Variants in CNTN6 observed in about 807,000 individuals in gnomAD.
The protein encoded by CNTN6 is contactin 6, also known as contactin-6.
Under a neutral mutation model 122.8 loss-of-function variants are expected in CNTN6, and 137 were observed. The ratio of observed to expected loss-of-function variants is 1.12; its 90% confidence interval spans 0.97 to 1.29. The LOEUF (loss-of-function observed/expected upper bound fraction) is 1.29, where lower values mean the gene tolerates loss of function less well. Ranked by LOEUF, CNTN6 falls within the 50% of genes most tolerant of loss-of-function variation. The pLI, the probability that CNTN6 is intolerant of heterozygous loss-of-function variation, is 0.00. For missense variants in CNTN6, 1,634 were observed against 1,223.4 expected (o/e 1.34, Z -5.01); for synonymous variants, 570 against 426.0 (o/e 1.34, Z -4.16).
chr3:1,370,670 G>A (rs1399099803), intron 12 of CNTN6, among the ~76,000 whole-genome samples: 1 of 151,998 alleles, frequency 6.6e-6, no homozygotes, highest in South Asian at 2.1e-4. Flanking sequence ...CCAACATGGT[G>A]AAACTCTGTC....
intron 4 of CNTN6, among the ~76,000 whole-genome samples, chr3:1,272,515 C>G (rs2095043461): frequency 6.7e-6 from 1 of 150,026 alleles, no homozygotes; most frequent in African/African-American, 2.4e-5. Flanking sequence ...TGAAATAATT[C>G]ATACATAGTA....
rs1029284028 is a variant in CNTN6, at chr3:1,403,957, A to C, written c.*539A>C. On this transcript the variant is annotated 3_prime_UTR_variant, in exon 23 of 23. Coordinates refer to ENST00000446702, the MANE Select transcript of CNTN6 (RefSeq NM_001289080.2). ...TTTACTCAAGAATATTTCAATATAC[A>C]TGATGTTCTTCTCAGCCCACTTTTC... 15 of 152,196 alleles carry C rather than the reference A, an allele frequency of 9.9e-5. No individual in the cohort carries two copies. The highest frequency in any genetic ancestry group is 2.1e-4 in the Non-Finnish European group (14 of 68,038). The allele number at this position is 152,196 out of a possible 1,614,324, so 9.4% of individuals were successfully genotyped here. A position where few individuals can be genotyped will look rare whatever the true frequency, so the allele number is the denominator to read the frequency against.
chr3:1,200,833 G>C (rs2125425069), intron 2 of CNTN6, among the ~76,000 whole-genome samples: 1 of 151,872 alleles, frequency 6.6e-6, no homozygotes, highest in South Asian at 2.1e-4. Context: ...AGAATAACTT[G>C]ACTTCTCTAA....
In CNTN6 at chr3:1,403,667, G is replaced by C. The variant is rs367663481; in HGVS notation, c.*249G>C. 1 of 274,688 alleles carries C rather than the reference G, an allele frequency of 3.6e-6. No individual in the cohort carries two copies. The highest frequency in any genetic ancestry group is 2.2e-5 in the African/African-American group (1 of 45,210). 17.0% of individuals were successfully genotyped at this position (274,688 alleles called of 1,614,324 possible). ...CACATTAACCTGGGGAGTTGTAACT[G>C]CTGTGTCTTTTAAGTTACTTATATG... On this transcript the variant is annotated 3_prime_UTR_variant, in exon 23 of 23. Coordinates refer to ENST00000446702, the MANE Select transcript of CNTN6 (RefSeq NM_001289080.2).
chr3:1,398,505 G>A (rs2126253492), intron 20 of CNTN6, among the ~76,000 whole-genome samples: 1 of 152,240 alleles, frequency 6.6e-6, no homozygotes, highest in Admixed American at 6.5e-5. Context: ...TCTAAGAAGT[G>A]AATCATTTGC....
intron 11 of CNTN6, among the ~76,000 whole-genome samples, chr3:1,344,672 G>A (rs1433858908): frequency 6.6e-6 from 1 of 152,252 alleles, no homozygotes; most frequent in South Asian, 2.1e-4. Flanking sequence ...ATAAACATTT[G>A]TTTCCTCTTT....
At chr3:1,331,912 T>G (rs1455247826) in intron 11 of CNTN6, among the ~76,000 whole-genome samples, 1 of 151,940 alleles carries the variant, frequency 6.6e-6, no homozygotes, top group Non-Finnish European at 1.5e-5. Flanking sequence ...TTCAGGTTTT[T>G]GTTTTATTTT....
In CNTN6 at chr3:1,220,779, T is replaced by C; in HGVS notation, c.148T>C (p.Cys50Arg). ...DLSKSEVILN[C>R]AANGYPSPHY... ...ATCAAAATCTGAGGTCATCCTGAAT[T>C]GTGCTGCTAATGGTTACCCTTCGCC... The change falls in exon 3 of 23, where the codon TGT becomes CGT. Residue 50 changes from cysteine (C) to arginine (R), a missense_variant. Coordinates refer to ENST00000446702, the MANE Select transcript of CNTN6 (RefSeq NM_001289080.2). 6.2e-7 allele frequency: 1 copy of C among 1,612,722 alleles called. No individual in the cohort carries two copies. Among genetic ancestry groups the C allele is most frequent in the South Asian group, 1.1e-5 (1 of 90,892 alleles).
chr3:1,384,770 CACATATATATATATATATATATATAT>C (rs1559990010), intron 19 of CNTN6, among the ~76,000 whole-genome samples: 2 of 127,250 alleles, frequency 1.6e-5, no homozygotes, highest in Admixed American at 8.4e-5. Flanking sequence ...CATATATATA[CACATATATATATATATATATATATAT>C]ACACACACAC....
At chr3:1,183,269 C>T (rs2093583554) in intron 2 of CNTN6, among the ~76,000 whole-genome samples, 1 of 152,114 alleles carries the variant, frequency 6.6e-6, no homozygotes. Context: ...CCGAAGCTAT[C>T]ATGGTTCAAA....
chr3:1,102,283 A>G (rs150966523), intron 1 of CNTN6, among the ~76,000 whole-genome samples: 3 of 152,294 alleles, frequency 2.0e-5, no homozygotes, highest in South Asian at 2.1e-4. Flanking sequence ...CAGGAGTGCA[A>G]TATACTTGCT....
chr3:1,341,017 C>G (rs1385716663), intron 11 of CNTN6, among the ~76,000 whole-genome samples: 1 of 152,082 alleles, frequency 6.6e-6, no homozygotes, highest in Non-Finnish European at 1.5e-5. Context: ...TATAAAACTT[C>G]AAAGCCCTGA....
chr3:1,258,143 G>A (rs764546686), intron 4 of CNTN6, among the ~76,000 whole-genome samples: 1 of 152,140 alleles, frequency 6.6e-6, no homozygotes, highest in Non-Finnish European at 1.5e-5. Flanking sequence ...TGGTCCCAGA[G>A]CTGTTAGATT....
intron 2 of CNTN6, among the ~76,000 whole-genome samples, chr3:1,152,769 C>T (rs1476904635): frequency 1.3e-5 from 2 of 152,126 alleles, no homozygotes; most frequent in Non-Finnish European, 2.9e-5. Flanking sequence ...TAGGTTGAAT[C>T]GTGTGCTATA....
chr3:1,096,269 G>A (rs1349530940), intron 1 of CNTN6, among the ~76,000 whole-genome samples: 1 of 152,008 alleles, frequency 6.6e-6, no homozygotes, highest in African/African-American at 2.4e-5. Flanking sequence ...GTGTGTGTGT[G>A]AGTGTGTGTA....
intron 2 of CNTN6, among the ~76,000 whole-genome samples, chr3:1,207,504 A>G (rs1173531769): frequency 6.6e-6 from 1 of 151,884 alleles, no homozygotes; most frequent in African/African-American, 2.4e-5. Context: ...TTTTCTTTTG[A>G]TCTCTGTTCA....
intron 5 of CNTN6, among the ~76,000 whole-genome samples, chr3:1,279,079 A>G (rs1692922347): frequency 6.6e-6 from 1 of 152,180 alleles, no homozygotes; most frequent in Non-Finnish European, 1.5e-5. Context: ...TAATTACCGG[A>G]AGGGATAGAT....
intron 2 of CNTN6, among the ~76,000 whole-genome samples, chr3:1,187,248 T>G (rs1373180552): frequency 4.6e-5 from 7 of 152,144 alleles, no homozygotes; most frequent in Non-Finnish European, 7.3e-5. Flanking sequence ...ATGTTTTTTG[T>G]AACCCACACC....
chr3:1,350,366 T>C (rs1166374300), intron 11 of CNTN6, among the ~76,000 whole-genome samples: 1 of 151,812 alleles, frequency 6.6e-6, no homozygotes, highest in East Asian at 1.9e-4. Flanking sequence ...AAAGTAATGG[T>C]TCTGGAAAAA....
Sources: gnomAD v4.1 joint callset for allele counts (sites outside exome capture counted in the v4.1 genomes callset) on GRCh38, gnomAD v4.1.1 for gene constraint, MANE v1.5 for transcripts, NCBI Gene and HGNC (gene_info 2026-07-23, HGNC 2026-07-21) for gene names.